Variants in LRRC56 observed in about 807,000 individuals in gnomAD.
LRRC56 encodes leucine-rich repeat-containing protein 56.
LRRC56 carries 41 observed loss-of-function variants against 47.8 expected under a neutral mutation model. The ratio of observed to expected loss-of-function variants is 0.86; its 90% CI spans 0.67 to 1.11. LRRC56 has a LOEUF of 1.11. Ranked by LOEUF, LRRC56 falls within the 50% of genes most tolerant of loss-of-function variation. LRRC56 has a pLI of 0.00. For synonymous variants in LRRC56, 387 were observed against 311.2 expected (o/e 1.24, Z -2.56); for missense variants, 759 against 704.2 (o/e 1.08, Z -0.88).
chr11:520,452 C>T, the LRRC56 span, among the ~76,000 whole-genome samples: 4 of 152,004 alleles, frequency 2.6e-5, no homozygotes, highest in African/African-American at 9.7e-5. Context: ...TCCCGAGTAG[C>T]TGGGATTACG....
chr11:520,361 C>T, the LRRC56 span, among the ~76,000 whole-genome samples: 1 of 152,098 alleles, frequency 6.6e-6, no homozygotes, highest in South Asian at 2.1e-4. Context: ...CGCTCTGTCG[C>T]CCAGGCTGGA....
rs765489855 is a variant in LRRC56 at position 550,172 on chromosome 11, T to G, written c.524T>G (p.Leu175Arg). The change falls in exon 8 of 14, where the codon CTG (leucine) becomes CGG (arginine). Residue 175 changes from leucine (L) to arginine (R), a missense_variant. Leu to Arg is a moderately radical substitution (Grantham distance 102). Coordinates refer to ENST00000270115, the MANE Select transcript of LRRC56 (RefSeq NM_198075.4). ...LDLEGNSVED[L>R]GQVRYLQLCP... ...CTGGAGGGCAACAGCGTGGAGGACC[T>G]GGGGCAGGTGCGCTACTTGCAGCTG... 7 of 1,613,114 alleles carry G rather than the reference T, an allele frequency of 4.3e-6. No individual in the cohort carries two copies. In the East Asian group the frequency reaches 1.6e-4, roughly 36 times the overall value.
At chr11:515,654 A>G in the LRRC56 span, among the ~76,000 whole-genome samples, 1 of 152,124 alleles carries the variant, frequency 6.6e-6, no homozygotes, top group African/African-American at 2.4e-5. Context: ...CCTGGCCAAC[A>G]TGGTGAAACC....
chr11:518,943 C>A, the LRRC56 span, among the ~76,000 whole-genome samples: 527 of 152,206 alleles, frequency 3.5e-3, 5 homozygotes, highest in African/African-American at 0.012. Context: ...GGAAACCCCG[C>A]CCCCAAACCG....
rs1198715603 is a variant in LRRC56 at position 551,248 on chromosome 11, G to A, written c.742G>A (p.Asp248Asn). 6.5e-7 allele frequency: 1 copy of A among 1,544,812 alleles called. No individual in the cohort carries two copies. Among genetic ancestry groups the A allele is most frequent in the Non-Finnish European group, 8.7e-7 (1 of 1,143,292 alleles). Residue 248 changes from aspartate to asparagine, a missense_variant, in exon 9 of 14, where the codon GAC (aspartate) becomes AAC (asparagine). By Grantham distance (23) the Asp-to-Asn change is conservative. Transcript: ENST00000270115. ...GPPAPPRLSQ[D>N]WLAVKEAIKK... Reference sequence around the variant, plus strand: ...ACCGGCCCCCCCGCGGCTGAGCCAGGACTGGCTTGCGGTGAAGGAGGCCAT... The same window carrying A: ...ACCGGCCCCCCCGCGGCTGAGCCAGAACTGGCTTGCGGTGAAGGAGGCCAT...
chr11:507,476 G>C, the LRRC56 span, among the ~76,000 whole-genome samples: 1 of 152,198 alleles, frequency 6.6e-6, no homozygotes, highest in Non-Finnish European at 1.5e-5. Context: ...GCCGGGGGCG[G>C]GGTCTGGCGG....
intron 13 of LRRC56, 142 bp downstream of exon 13, chr11:552,844 G>T (rs1852486293): frequency 2.7e-6 from 2 of 753,628 alleles, no homozygotes; most frequent in Non-Finnish European, 4.2e-6. Context: ...TAACAGGGAG[G>T]CCCCCTTCTG....
At chr11:516,026 C>T in the LRRC56 span, among the ~76,000 whole-genome samples, 1 of 152,150 alleles carries the variant, frequency 6.6e-6, no homozygotes, top group Admixed American at 6.6e-5. Context: ...TACTCTCGAT[C>T]CTCTATTCTG....
rs1852671058 is a variant in LRRC56, at chr11:554,735, C to T, written c.*459C>T. 8 of 455,472 alleles carry T rather than the reference C, an allele frequency of 1.8e-5. No individual in the cohort carries two copies. Among genetic ancestry groups the T allele is most frequent in the Non-Finnish European group, 3.1e-5 (8 of 255,898 alleles). 28.2% of individuals were successfully genotyped at this position (455,472 alleles called of 1,614,324 possible). A position where few individuals can be genotyped will look rare whatever the true frequency, so the allele number is the denominator to read the frequency against. ...TGCTCGCCTGAGGCCGCCGGGGGTG[C>T]GGTCCAGGCCTCCCGTCTCCGGGGG... On this transcript the variant is annotated 3_prime_UTR_variant, in exon 14 of 14. Coordinates refer to ENST00000270115, the MANE Select transcript of LRRC56 (RefSeq NM_198075.4).
chr11:546,165 G>C (rs1852068860), intron 6 of LRRC56, among the ~76,000 whole-genome samples: 1 of 152,188 alleles, frequency 6.6e-6, no homozygotes, highest in Admixed American at 6.5e-5. Flanking sequence ...AGCTGCTCAG[G>C]AGGCTGAGGC....
intron 6 of LRRC56, among the ~76,000 whole-genome samples, chr11:545,545 T>C (rs1225695297): frequency 6.7e-6 from 1 of 150,026 alleles, no homozygotes; most frequent in Non-Finnish European, 1.5e-5. Flanking sequence ...AGAGCCTGTG[T>C]ACAGAACCCG....
the LRRC56 span, among the ~76,000 whole-genome samples, chr11:507,518 C>T: frequency 6.6e-6 from 1 of 152,194 alleles, no homozygotes; most frequent in Admixed American, 6.5e-5. Flanking sequence ...GTGGGCCTCG[C>T]ACTGGCACGC....
intron 13 of LRRC56, among the ~76,000 whole-genome samples, chr11:553,746 G>A (rs1852572932): frequency 6.6e-6 from 1 of 152,200 alleles, no homozygotes; most frequent in Non-Finnish European, 1.5e-5. Context: ...AGGCTTCGTG[G>A]CCTCCTTGCC....
At chr11:519,136 T>C in the LRRC56 span, among the ~76,000 whole-genome samples, 5 of 152,328 alleles carry the variant, frequency 3.3e-5, no homozygotes, top group South Asian at 8.3e-4. Context: ...CTAGACGACA[T>C]TTTCAGAACA....
rs774227975 is a variant in LRRC56, at chr11:544,787, G to A, written c.326+7G>A. ...GCCACCTGGGCTCCCTGAGGTGAGC[G>A]CCTGAGGGGGGTGGGCTGGGGCCCT... On this transcript the variant is annotated splice_region_variant and intron_variant, in intron 6 of 13. Transcript: ENST00000270115. 61 of 1,610,592 alleles carry A rather than the reference G, an allele frequency of 3.8e-5. No homozygotes were observed. In the South Asian group the frequency reaches 4.1e-4, roughly 11 times the overall value.
At chr11:509,633 C>T in the LRRC56 span, among the ~76,000 whole-genome samples, 1 of 151,936 alleles carries the variant, frequency 6.6e-6, no homozygotes, top group Non-Finnish European at 1.5e-5. Flanking sequence ...CTGTAAGCTC[C>T]GCCTCCCAGG....
the LRRC56 span, chr11:507,091 A>T: frequency 2.0e-5 from 3 of 152,180 alleles, no homozygotes; most frequent in Non-Finnish European, 4.4e-5. Flanking sequence ...CTAGACGCTG[A>T]CGCACCGCTG....
At chr11:551,087 T>C (rs2134063695) in intron 8 of LRRC56, 44 bp from the exon 9 acceptor site, 1 of 1,138,362 alleles carries the variant, frequency 8.8e-7, no homozygotes, top group South Asian at 1.7e-5. Context: ...AAGGAAACAC[T>C]GGACCCAGAC....
At chr11:546,573 A>G (rs1852094930) in intron 6 of LRRC56, among the ~76,000 whole-genome samples, 1 of 152,120 alleles carries the variant, frequency 6.6e-6, no homozygotes, top group African/African-American at 2.4e-5. Context: ...GTCTCAAAAA[A>G]AAAAAAATAC....
Sources: gnomAD v4.1 joint callset for allele counts (sites outside exome capture counted in the v4.1 genomes callset) on GRCh38, gnomAD v4.1.1 for gene constraint, MANE v1.5 for transcripts, NCBI Gene and HGNC (gene_info 2026-07-23, HGNC 2026-07-21) for gene names.